SLIT3: variants seen among roughly 807,000 people sequenced by gnomAD.
SLIT3 encodes the protein slit guidance ligand 3.
In SLIT3, 68 loss-of-function variants were observed where a neutral mutation model predicts 184.0. The observed-to-expected ratio is 0.37, with a 90% CI of 0.30 to 0.45. SLIT3 has a LOEUF of 0.45. Ranked by LOEUF, SLIT3 falls within the 20% of genes least tolerant of loss-of-function variation. The pLI, the probability that SLIT3 is intolerant of heterozygous loss-of-function variation, is 1.00. For synonymous variants in SLIT3, 831 were observed against 828.6 expected, an observed-to-expected ratio of 1.00 and a Z score of -0.05; for missense variants, 1,707 against 2,026.0, an observed-to-expected ratio of 0.84 and a Z score of 3.02.
In SLIT3 at chr5:168,752,987, C is replaced by T; in HGVS notation, c.1941G>A (p.Gly647=). 4.3e-6 allele frequency: 7 copies of T among 1,613,938 alleles called. No individual in the cohort carries two copies. The highest frequency in any genetic ancestry group is 5.9e-6 in the Non-Finnish European group (7 of 1,179,986). The change falls in exon 18 of 36, where the codon GGG becomes GGA. Residue 647 remains glycine (G), a synonymous_variant. Transcript: ENST00000519560. ...YDNRITTITP[G]AFTTLVSLST... ...ACAGGGAGACAAGCGTGGTGAAGGC[C>T]CCAGGGGTGATGGTGGTGATCCGAT...
At chr5:168,997,773 A>G (rs911225272) in intron 4 of SLIT3, among the ~76,000 whole-genome samples, 1 of 152,166 alleles carries the variant, frequency 6.6e-6, no homozygotes, top group Non-Finnish European at 1.5e-5. Context: ...GGCATTTCCA[A>G]CCAGCCTATG....
In SLIT3 at chr5:168,897,046, C is replaced by T. The variant is rs1464049830; in HGVS notation, c.414-13710G>A. 2.0e-5 allele frequency among the ~76,000 whole-genome samples: 3 copies of T among 152,196 alleles called. No homozygotes were observed. The South Asian group carries it at 6.2e-4, about 32-fold the overall frequency. On this transcript the variant is annotated intron_variant, in intron 4 of 35. Transcript: ENST00000519560. ...AAAACAAATTCCTTAGTTGTGGCTACTCTCTTTGGAGAAGGAAATCCTCAC... is the reference window on the plus strand; with the variant it reads ...AAAACAAATTCCTTAGTTGTGGCTATTCTCTTTGGAGAAGGAAATCCTCAC...
At chr5:168,961,335 G>A (rs1763000003) in intron 4 of SLIT3, among the ~76,000 whole-genome samples, 1 of 152,188 alleles carries the variant, frequency 6.6e-6, no homozygotes, top group Admixed American at 6.5e-5. Flanking sequence ...TGGTCTGAGT[G>A]CACTGATGAA....
chr5:169,191,037 T>C (rs1403238905), intron 4 of SLIT3, among the ~76,000 whole-genome samples: 2 of 152,206 alleles, frequency 1.3e-5, no homozygotes, highest in Non-Finnish European at 2.9e-5. Context: ...CCATTCAAAG[T>C]GTGTCATAAT....
intron 3 of SLIT3, among the ~76,000 whole-genome samples, chr5:169,237,409 T>A (rs1410893069): frequency 6.6e-5 from 10 of 152,178 alleles, no homozygotes. Context: ...TTCGGTTCCC[T>A]CTTCTGCTCT....
At chr5:169,240,525 A>G (rs920594695) in intron 3 of SLIT3, among the ~76,000 whole-genome samples, 2 of 148,216 alleles carry the variant, frequency 1.3e-5, no homozygotes, top group African/African-American at 2.5e-5. Context: ...AGTCTATATT[A>G]TCTTTAATAG....
intron 2 of SLIT3, among the ~76,000 whole-genome samples, chr5:169,250,037 T>C (rs934088733): frequency 6.6e-6 from 1 of 152,238 alleles, no homozygotes; most frequent in Admixed American, 6.5e-5. Flanking sequence ...TTAGTTTTCT[T>C]AGCTTTCTAT....
chr5:168,825,880 A>AT (rs1055585085), intron 6 of SLIT3, among the ~76,000 whole-genome samples: 1 of 152,118 alleles, frequency 6.6e-6, no homozygotes, highest in African/African-American at 2.4e-5. Flanking sequence ...TGATCCCTCC[A>AT]TTTCACCTTC....
chr5:168,812,041 G>A (rs1757173964), intron 8 of SLIT3, among the ~76,000 whole-genome samples: 1 of 152,166 alleles, frequency 6.6e-6, no homozygotes, highest in African/African-American at 2.4e-5. Flanking sequence ...AAAATATCCT[G>A]TCATTTGTAG....
intron 3 of SLIT3, among the ~76,000 whole-genome samples, chr5:169,225,250 G>C (rs1388357573): frequency 6.6e-6 from 1 of 152,164 alleles, no homozygotes; most frequent in Non-Finnish European, 1.5e-5. Context: ...GGTAACTACT[G>C]GAAGTTTTTC....
intron 4 of SLIT3, among the ~76,000 whole-genome samples, chr5:169,108,546 C>A (rs1370352677): frequency 1.3e-5 from 2 of 152,182 alleles, no homozygotes; most frequent in Non-Finnish European, 1.5e-5. Flanking sequence ...AAGGGTGAAC[C>A]ATGGCAGCTT....
chr5:169,129,698 C>A (rs1220536126), intron 4 of SLIT3, among the ~76,000 whole-genome samples: 2 of 152,080 alleles, frequency 1.3e-5, no homozygotes, highest in African/African-American at 4.8e-5. Flanking sequence ...CAACTGAATG[C>A]AACATGGCAC....
intron 3 of SLIT3, among the ~76,000 whole-genome samples, chr5:169,208,698 T>C (rs763000617): frequency 6.6e-6 from 1 of 152,196 alleles, no homozygotes; most frequent in African/African-American, 2.4e-5. Flanking sequence ...GATTCCCTAT[T>C]TAATAAGTGG....
intron 4 of SLIT3, among the ~76,000 whole-genome samples, chr5:168,956,409 C>A (rs1309906538): frequency 6.6e-6 from 1 of 152,086 alleles, no homozygotes; most frequent in Non-Finnish European, 1.5e-5. Context: ...AAGACTGACA[C>A]AAAGTATATA....
intron 12 of SLIT3, among the ~76,000 whole-genome samples, chr5:168,775,474 C>T (rs576388870): frequency 7.2e-5 from 11 of 152,156 alleles, no homozygotes; most frequent in East Asian, 3.9e-4. Context: ...TCAGAGAGGC[C>T]GGCCCTGACC....
chr5:168,880,218 T>C (rs1759899769), intron 5 of SLIT3, among the ~76,000 whole-genome samples: 1 of 152,102 alleles, frequency 6.6e-6, no homozygotes, highest in Non-Finnish European at 1.5e-5. Flanking sequence ...TTCTGCCACC[T>C]CCTCCTGTCC....
At chr5:168,789,517 C>A (rs1398198862) in intron 11 of SLIT3, 43 bp downstream of exon 11, 1 of 1,505,938 alleles carries the variant, frequency 6.6e-7, no homozygotes. Context: ...CCTCCAGCGC[C>A]CCCCCTCCCC....
chr5:168,752,388 G>GTTTTTTTTTTT (rs35984907), intron 18 of SLIT3: 1 of 109,752 alleles, frequency 9.1e-6, no homozygotes, highest in African/African-American at 3.8e-5. Context: ...AAAGCCCCTG[G>GTTTTTTTTTTT]TTTTTTTTTT....
intron 4 of SLIT3, among the ~76,000 whole-genome samples, chr5:169,070,954 A>G (rs2113125153): frequency 6.6e-6 from 1 of 152,300 alleles, no homozygotes; most frequent in Middle Eastern, 3.4e-3. Flanking sequence ...GCATCCATAG[A>G]GGTTAGCTAC....
Sources: allele counts gnomAD v4.1 joint callset (sites outside exome capture counted in the v4.1 genomes callset), GRCh38; gene constraint gnomAD v4.1.1; transcripts MANE v1.5; gene names NCBI Gene and HGNC (gene_info 2026-07-23, HGNC 2026-07-21).